PRTFDC1: variants seen among roughly 807,000 people sequenced by gnomAD.
PRTFDC1 encodes the protein phosphoribosyl transferase domain containing 1.
Under a neutral mutation model 34.6 loss-of-function variants are expected in PRTFDC1, and 38 were observed. That is an observed-to-expected ratio of 1.10 (90% CI 0.85 to 1.44). The LOEUF (loss-of-function observed/expected upper bound fraction) is 1.44, where lower values mean the gene tolerates loss of function less well. Among genes scored for constraint, PRTFDC1 ranks in the 40% most tolerant of loss-of-function variants. The probability of loss-of-function intolerance (pLI) is 0.00; values close to 1 mark genes in which losing one functional copy is unlikely to be tolerated. For synonymous variants in PRTFDC1, 93 were observed against 98.1 expected (o/e 0.95, Z 0.31); for missense variants, 270 against 283.0 (o/e 0.95, Z 0.33).
chr10:24,851,938 T>C (rs1351202732), intron 7 of PRTFDC1, among the ~76,000 whole-genome samples: 3 of 151,926 alleles, frequency 2.0e-5, no homozygotes, highest in African/African-American at 7.3e-5. Flanking sequence ...ACTCAGTGTC[T>C]TGGCTGTTTA....
In PRTFDC1 at chr10:24,872,021, C is replaced by T; in HGVS notation, c.382G>A (p.Asp128Asn). 1 of 1,612,256 alleles carries T rather than the reference C, an allele frequency of 6.2e-7. No individual in the cohort carries two copies. Among genetic ancestry groups the T allele is most frequent in the Non-Finnish European group, 8.5e-7 (1 of 1,178,558 alleles). ...MGEMQIIGGD[D>N]LSTLAGKNVL... ...ACCTTTCCAGCCAGCGTTGAAAGAT[C>T]ATCGCCTCCGATTATCTGCATCTCA... is the stretch of plus-strand genomic sequence containing the variant. Residue 128 changes from aspartate to asparagine, a missense_variant, in exon 4 of 9, where the codon GAT becomes AAT. Transcript: ENST00000320152.
chr10:24,877,390 TTG>T (rs1210931102), intron 3 of PRTFDC1, among the ~76,000 whole-genome samples: 2 of 152,204 alleles, frequency 1.3e-5, no homozygotes, highest in Admixed American at 1.3e-4. Context: ...GGATTGATGT[TTG>T]TGTGTTTTTA....
chr10:24,908,899 AGTT>A (rs1167802531), intron 3 of PRTFDC1: 5 of 651,468 alleles, frequency 7.7e-6, no homozygotes, highest in Non-Finnish European at 1.2e-5. Context: ...GATGGAGGTC[AGTT>A]GTTCTAAATG....
intron 3 of PRTFDC1, among the ~76,000 whole-genome samples, chr10:24,911,616 C>A (rs1210449950): frequency 6.6e-6 from 1 of 152,120 alleles, no homozygotes; most frequent in Non-Finnish European, 1.5e-5. Context: ...ACCTGTAATC[C>A]CAGCACTTTG....
At chr10:24,853,522 C>T (rs1847526268) in intron 7 of PRTFDC1, among the ~76,000 whole-genome samples, 1 of 152,024 alleles carries the variant, frequency 6.6e-6, no homozygotes, top group Non-Finnish European at 1.5e-5. Flanking sequence ...GCAGGAGAAT[C>T]ACTTGAACCT....
intron 3 of PRTFDC1, among the ~76,000 whole-genome samples, chr10:24,922,595 C>T (rs1848808408): frequency 6.6e-6 from 1 of 152,162 alleles, no homozygotes; most frequent in Non-Finnish European, 1.5e-5. Flanking sequence ...GATTTTGCCC[C>T]TAATTTGCCT....
In PRTFDC1 at chr10:24,914,979, T is replaced by C. The variant is rs145282641; in HGVS notation, c.339+22205A>G. On this transcript the variant is annotated intron_variant, in intron 3 of 8. Transcript: ENST00000320152. ...AGGGGTCAAGGGTTGAAAAACTACC[T>C]ACTGGGTACTATGCTAACTACCTGG... Among the ~76,000 whole-genome samples the C allele has an allele frequency of 1.7e-3, 255 of 152,294 alleles. 8 individuals are homozygous for C. The highest frequency in any genetic ancestry group is 0.012 in the Admixed American group (179 of 15,284).
At chr10:24,948,779 T>G (rs766513153) in intron 1 of PRTFDC1, among the ~76,000 whole-genome samples, 8 of 152,188 alleles carry the variant, frequency 5.3e-5, no homozygotes, top group Non-Finnish European at 1.0e-4. Flanking sequence ...TTGTAGCTCC[T>G]TCACCAGCCT....
intron 3 of PRTFDC1, among the ~76,000 whole-genome samples, chr10:24,914,930 T>C (rs1848673918): frequency 6.6e-6 from 1 of 152,152 alleles, no homozygotes; most frequent in Non-Finnish European, 1.5e-5. Context: ...CATCCAATTA[T>C]TACTCATAAA....
At chr10:24,880,280 T>G (rs1042107576) in intron 3 of PRTFDC1, among the ~76,000 whole-genome samples, 1 of 150,450 alleles carries the variant, frequency 6.6e-6, no homozygotes, top group African/African-American at 2.5e-5. Flanking sequence ...TGAGACAGAG[T>G]CTTGCACTAT....
chr10:24,909,223 G>A (rs1848588042), intron 3 of PRTFDC1, among the ~76,000 whole-genome samples: 2 of 152,018 alleles, frequency 1.3e-5, no homozygotes, highest in Non-Finnish European at 1.5e-5. Context: ...CAAGGCTGCA[G>A]TGAGTCATGA....
At chr10:24,887,825 A>T (rs974080561) in intron 3 of PRTFDC1, among the ~76,000 whole-genome samples, 1 of 152,168 alleles carries the variant, frequency 6.6e-6, no homozygotes, top group Admixed American at 6.5e-5. Flanking sequence ...CTTCCTTTGC[A>T]TGTAGCACCC....
At chr10:24,895,972 A>G (rs548760572) in intron 3 of PRTFDC1, among the ~76,000 whole-genome samples, 3 of 152,206 alleles carry the variant, frequency 2.0e-5, no homozygotes, top group Admixed American at 1.3e-4. Context: ...CTTTCACTGC[A>G]CTGACACAGT....
At chr10:24,883,927 C>T (rs561916117) in intron 3 of PRTFDC1, among the ~76,000 whole-genome samples, 3 of 148,968 alleles carry the variant, frequency 2.0e-5, no homozygotes, top group African/African-American at 2.5e-5. Context: ...TGGGTTCAAG[C>T]GATTCTCAGC....
chr10:24,861,018 A>T (rs1001845514), intron 4 of PRTFDC1, among the ~76,000 whole-genome samples: 2 of 152,244 alleles, frequency 1.3e-5, no homozygotes, highest in Non-Finnish European at 2.9e-5. Flanking sequence ...ATGTAATTAA[A>T]TATTTTTTTG....
intron 4 of PRTFDC1, among the ~76,000 whole-genome samples, chr10:24,862,500 G>A (rs555714526): frequency 3.3e-5 from 5 of 151,222 alleles, no homozygotes; most frequent in Non-Finnish European, 7.4e-5. Flanking sequence ...TCAGCCTCCC[G>A]AGTAGCTGGG....
chr10:24,939,908 T>G (rs1849126321), intron 2 of PRTFDC1, among the ~76,000 whole-genome samples: 1 of 151,196 alleles, frequency 6.6e-6, no homozygotes, highest in African/African-American at 2.4e-5. Flanking sequence ...CAAAAGAAAG[T>G]TGGAGTAGCT....
intron 2 of PRTFDC1, among the ~76,000 whole-genome samples, chr10:24,940,483 C>A (rs1430847216): frequency 1.3e-5 from 2 of 152,146 alleles, no homozygotes; most frequent in Non-Finnish European, 2.9e-5. Context: ...TAGGAAAATA[C>A]AAATTAAAAC....
At chr10:24,894,347 AAGAG>A (rs1283334110) in intron 3 of PRTFDC1, among the ~76,000 whole-genome samples, 1 of 150,942 alleles carries the variant, frequency 6.6e-6, no homozygotes, top group Non-Finnish European at 1.5e-5. Flanking sequence ...AAAAAAAAAA[AAGAG>A]AGAGAAAAGA....
Sources: allele counts gnomAD v4.1 joint callset (sites outside exome capture counted in the v4.1 genomes callset), GRCh38; gene constraint gnomAD v4.1.1; transcripts MANE v1.5; gene names NCBI Gene and HGNC (gene_info 2026-07-23, HGNC 2026-07-21).